Variants in APOLD1 observed in about 807,000 individuals in gnomAD.
The protein encoded by APOLD1 is apolipoprotein L domain-containing protein 1.
In APOLD1, 22 loss-of-function variants were observed where a neutral mutation model predicts 15.3. That is an observed-to-expected ratio of 1.44 (90% confidence interval 1.03 to 2.05). The LOEUF is 2.05. APOLD1 is among the 30% of genes most tolerant of loss of function. The pLI, the probability that APOLD1 is intolerant of heterozygous loss-of-function variation, is 0.00. For missense variants in APOLD1, 394 were observed against 353.5 expected (o/e 1.11, Z -0.92); for synonymous variants, 190 against 167.4 (o/e 1.13, Z -1.04).
Position 12,791,398 on chromosome 12 carries a change from G to A in APOLD1, c.*3746G>A, listed in dbSNP as rs961930183. On this transcript the variant is annotated 3_prime_UTR_variant, in exon 2 of 2. Transcript: ENST00000356591. ...TACAGTTAAATGTAGCAACTCTTGA[G>A]TTCATTTTTTCCCACTGTAGCAAAA... The A allele has an allele frequency of 6.6e-6, 1 of 152,166 alleles. No homozygotes were observed. Among genetic ancestry groups the A allele is most frequent in the Non-Finnish European group, 1.5e-5 (1 of 68,018 alleles). The allele number at this position is 152,166 out of a possible 1,614,324, so 9.4% of individuals were successfully genotyped here.
chr12:12,755,436 G>A (rs1452377474), intron 1 of APOLD1, among the ~76,000 whole-genome samples: 1 of 152,200 alleles, frequency 6.6e-6, no homozygotes, highest in Non-Finnish European at 1.5e-5. Context: ...ATGAAAAAAT[G>A]TCTGCTTATT....
Position 12,787,832 on chromosome 12 carries a change from T to A in APOLD1, c.*180T>A. On this transcript the variant is annotated 3_prime_UTR_variant, in exon 2 of 2. Transcript: ENST00000356591. This position sits in a 1 kb window ranked among gnomAD's most constrained non-coding sequence, Gnocchi z 4.9. ...CTTCTTTTCCCATCACTGTGACATC[T>A]GCCTGGGCTTGAGTGCTACGGACTT... 1.2e-6 allele frequency: 1 copy of A among 842,170 alleles called. No homozygotes were observed. Among genetic ancestry groups the A allele is most frequent in the Non-Finnish European group, 1.8e-6 (1 of 563,576 alleles). The allele number at this position is 842,170 out of a possible 1,614,324, so 52.2% of individuals were successfully genotyped here. A position where few individuals can be genotyped will look rare whatever the true frequency, so the allele number is the denominator to read the frequency against.
At chr12:12,740,912 G>A (rs1027239911) in intron 1 of APOLD1, among the ~76,000 whole-genome samples, 1 of 152,216 alleles carries the variant, frequency 6.6e-6, no homozygotes, top group South Asian at 2.1e-4. Context: ...TGAGGCAGGA[G>A]GCTATTCAGT....
At chr12:12,727,234 T>C (rs1428427890) in intron 1 of APOLD1, among the ~76,000 whole-genome samples, 1 of 151,418 alleles carries the variant, frequency 6.6e-6, no homozygotes, top group African/African-American at 2.4e-5. Context: ...ACACCACGTT[T>C]CCAAGAATTA....
chr12:12,766,972 G>T (rs1008578592), intron 1 of APOLD1, among the ~76,000 whole-genome samples: 1 of 151,962 alleles, frequency 6.6e-6, no homozygotes, highest in Non-Finnish European at 1.5e-5. Context: ...TGGGCTGGGT[G>T]CAGTGGCTCA....
intron 1 of APOLD1, among the ~76,000 whole-genome samples, chr12:12,727,760 CTT>C (rs34995291): frequency 0.36 from 50,243 of 137,760 alleles, 9,017 homozygotes; most frequent in South Asian, 0.44. Flanking sequence ...GCTCTGAAAC[CTT>C]TTTTTTTTTT....
At chr12:12,770,958 A>C (rs572645065) in intron 1 of APOLD1, among the ~76,000 whole-genome samples, 5 of 152,256 alleles carry the variant, frequency 3.3e-5, no homozygotes, top group Admixed American at 3.3e-4. Flanking sequence ...TCAAATATTT[A>C]ATGTGTTGAG....
intron 1 of APOLD1, among the ~76,000 whole-genome samples, chr12:12,755,971 A>C (rs1255173645): frequency 1.3e-5 from 2 of 152,176 alleles, no homozygotes; most frequent in African/African-American, 4.8e-5. Context: ...CAATTCCTTA[A>C]ACTAAACCTT....
intron 1 of APOLD1, among the ~76,000 whole-genome samples, chr12:12,745,087 T>C (rs1946755602): frequency 6.6e-6 from 1 of 152,128 alleles, no homozygotes; most frequent in Non-Finnish European, 1.5e-5. Context: ...TCCCTTCCTG[T>C]CTAAAAAAAG....
In APOLD1 at chr12:12,787,342, G is replaced by A. The variant is rs759365397; in HGVS notation, c.437G>A (p.Gly146Asp). The change falls in exon 2 of 2, where the codon GGC (glycine) becomes GAC (aspartate). Residue 146 changes from glycine (G) to aspartate (D), a missense_variant. Gly to Asp is a moderately conservative substitution (Grantham distance 94). Transcript: ENST00000356591. The surrounding 1 kb of genome is among the most constrained non-coding windows in gnomAD (Gnocchi z 4.9). ...CTCGAGTTTTTCTGCCGCTGGCAGG[G>A]CTGCGGGGACCGCCAGCTGCTGCAG... The part of the protein sequence containing the change: ...SCLEFFCRWQ[G>D]CGDRQLLQCG... 10 of 1,613,924 alleles carry A rather than the reference G, an allele frequency of 6.2e-6. No homozygotes were observed. The highest frequency in any genetic ancestry group is 8.5e-6 in the Non-Finnish European group (10 of 1,180,030).
At chr12:12,777,820 G>T (rs1232491488) in intron 1 of APOLD1, among the ~76,000 whole-genome samples, 1 of 150,900 alleles carries the variant, frequency 6.6e-6, no homozygotes, top group African/African-American at 2.4e-5. Context: ...AACTGAAGAG[G>T]AAGAGGGTAT....
intron 1 of APOLD1, among the ~76,000 whole-genome samples, chr12:12,737,419 T>C (rs534832644): frequency 8.5e-5 from 13 of 152,328 alleles, no homozygotes; most frequent in African/African-American, 1.7e-4. Flanking sequence ...TTGGAGTTCA[T>C]TGAAGTGAGG....
intron 1 of APOLD1, among the ~76,000 whole-genome samples, chr12:12,757,568 A>G (rs1389372477): frequency 6.6e-6 from 1 of 152,182 alleles, no homozygotes; most frequent in Non-Finnish European, 1.5e-5. Context: ...CAGATCAAGA[A>G]CTAGAACGTT....
intron 1 of APOLD1, among the ~76,000 whole-genome samples, chr12:12,758,095 T>C (rs1946870614): frequency 8.1e-6 from 1 of 122,828 alleles, no homozygotes; most frequent in Non-Finnish European, 1.6e-5. Context: ...TGCCTGGCTT[T>C]TTTTCTTTTT....
rs1042009197 is a variant in APOLD1 at position 12,787,029 on chromosome 12, G to C, written c.124G>C (p.Ala42Pro). Residue 42 changes from alanine to proline, a missense_variant, in exon 2 of 2, where the codon GCC becomes CCC. Transcript: ENST00000356591. This position sits in a 1 kb window ranked among gnomAD's most constrained non-coding sequence, Gnocchi z 4.9. Reference sequence around the variant, plus strand: ...CCAGGTGCTGCGCCTGCGCGAGGTGGCCCGGCGCCTGGAGCGCCTGCGCAG... The same window carrying C: ...CCAGGTGCTGCGCCTGCGCGAGGTGCCCCGGCGCCTGGAGCGCCTGCGCAG... ...HGQVLRLREV[A>P]RRLERLRRRS... 1.9e-5 allele frequency: 26 copies of C among 1,378,062 alleles called. No individual in the cohort carries two copies. The highest frequency in any genetic ancestry group is 2.2e-5 in the Non-Finnish European group (24 of 1,076,912). The allele number at this position is 1,378,062 out of a possible 1,614,324, so 85.4% of individuals were successfully genotyped here. A position where few individuals can be genotyped will look rare whatever the true frequency, so the allele number is the denominator to read the frequency against.
At chr12:12,751,006 G>T (rs774073939) in intron 1 of APOLD1, among the ~76,000 whole-genome samples, 1 of 150,290 alleles carries the variant, frequency 6.7e-6, no homozygotes, top group Non-Finnish European at 1.5e-5. Context: ...CCCAGCTGTT[G>T]TTGAACTCCT....
At chr12:12,741,002 TTA>T (rs1423672267) in intron 1 of APOLD1, among the ~76,000 whole-genome samples, 1 of 152,036 alleles carries the variant, frequency 6.6e-6, no homozygotes, top group African/African-American at 2.4e-5. Context: ...TTAGCAGAGG[TTA>T]CCTGGGAAAA....
intron 1 of APOLD1, among the ~76,000 whole-genome samples, chr12:12,742,761 C>A (rs1946737673): frequency 5.4e-5 from 1 of 18,374 alleles, no homozygotes. Flanking sequence ...AAGACTCCAT[C>A]TAAAAAAAAA....
At chr12:12,732,935 T>C (rs944099087) in intron 1 of APOLD1, among the ~76,000 whole-genome samples, 3 of 152,188 alleles carry the variant, frequency 2.0e-5, no homozygotes, top group Middle Eastern at 3.4e-3. Context: ...GAATTGATTA[T>C]TTGATTGAAC....
Sources: allele counts gnomAD v4.1 joint callset (sites outside exome capture counted in the v4.1 genomes callset), GRCh38; gene constraint gnomAD v4.1.1; non-coding constraint Gnocchi (gnomAD v3.1); transcripts MANE v1.5; gene names NCBI Gene and HGNC (gene_info 2026-07-23, HGNC 2026-07-21).